TM2D2: variants seen among roughly 807,000 people sequenced by gnomAD.
The protein encoded by TM2D2 is TM2 domain containing 2, also known as TM2 domain-containing protein 2.
In TM2D2, 19 loss-of-function variants were observed where a neutral mutation model predicts 23.0. That is an observed-to-expected ratio of 0.82 (90% CI 0.58 to 1.21). The LOEUF (loss-of-function observed/expected upper bound fraction) is 1.21. TM2D2 is among the 50% of genes most tolerant of loss of function. TM2D2 has a pLI of 0.00. For synonymous variants in TM2D2, 120 were observed against 108.8 expected, an observed-to-expected ratio of 1.10 and a Z score of -0.64; for missense variants, 246 against 265.4, an observed-to-expected ratio of 0.93 and a Z score of 0.51.
Position 38,991,212 on chromosome 8 carries a change from C to G in TM2D2, c.*120G>C, listed in dbSNP as rs904108619. ...AGAAGCCTTCTTAACCAAACAAATG[C>G]CCTCCAAAAGAAGGAAAATAACATC... On this transcript the variant is annotated 3_prime_UTR_variant, in exon 4 of 4. Transcript: ENST00000456397. The G allele has an allele frequency of 1.2e-6, 1 of 864,290 alleles. No homozygotes were observed. Among genetic ancestry groups the G allele is most frequent in the Non-Finnish European group, 1.8e-6 (1 of 559,490 alleles). The allele number at this position is 864,290 out of a possible 1,614,324, so 53.5% of individuals were successfully genotyped here.
rs757537446 is a variant in TM2D2, at chr8:38,996,260, G to T, written c.180C>A (p.Ser60Arg). 1.9e-6 allele frequency: 3 copies of T among 1,613,800 alleles called. No homozygotes were observed. In the East Asian group the frequency reaches 6.7e-5, roughly 36 times the overall value. ...GAGAGTGGGGGTCGCCATATTCCCA[G>T]CTCGCAGCACCCCCGGGGCCCTCCG... ...AQPEGPGGAASWEYGDPHSPV... is the reference protein window; with the variant it reads ...AQPEGPGGAARWEYGDPHSPV... The change falls in exon 1 of 4, where the codon AGC becomes AGA. Residue 60 changes from serine to arginine, a missense_variant. Ser to Arg is a moderately radical substitution (Grantham distance 110). Transcript: ENST00000456397.
At chr8:38,995,600 T>C (rs1345595299) in intron 1 of TM2D2, 195 bp from the exon 2 acceptor site, 83 of 1,474,954 alleles carry the variant, frequency 5.6e-5, no homozygotes, top group Non-Finnish European at 7.4e-5. Flanking sequence ...AAAATGAACC[T>C]TTTGTTGGAG....
intron 1 of TM2D2, 89 bp from the exon 2 acceptor site, chr8:38,995,494 AT>A (rs1835741101): frequency 6.3e-7 from 1 of 1,583,738 alleles, no homozygotes; most frequent in Non-Finnish European, 8.6e-7. Flanking sequence ...GGCAAAAGAC[AT>A]TTCTTCATCA....
chr8:38,989,089 G>A lies in TM2D2; in HGVS notation c.*2243C>T, dbSNP rs1021602690. ...AGGTTTGTGGGCAGATGGATGATGG[G>A]TGTCATTTACAAGTCAAATGAAAAC... On this transcript the variant is annotated 3_prime_UTR_variant, in exon 4 of 4. Transcript: ENST00000456397. 2 of 152,220 alleles carry A rather than the reference G, an allele frequency of 1.3e-5. No homozygotes were observed. Among genetic ancestry groups the A allele is most frequent in the Non-Finnish European group, 2.9e-5 (2 of 68,040 alleles). The allele number at this position is 152,220 out of a possible 1,614,324, so 9.4% of individuals were successfully genotyped here.
chr8:38,996,642 C>T (rs903784612), upstream of TM2D2: 30 of 1,432,310 alleles, frequency 2.1e-5, no homozygotes, highest in African/African-American at 4.0e-4. Context: ...GGCTACTCCG[C>T]CCTCTGCTTC....
Position 38,991,802 on chromosome 8 carries a change from T to C in TM2D2, c.432-257A>G, listed in dbSNP as rs958535513. On this transcript the variant is annotated intron_variant, in intron 3 of 3. Coordinates refer to ENST00000456397, the MANE Select transcript of TM2D2 (RefSeq NM_078473.3). ...CTACCTGGCAAAGATACCAGGGTGG[T>C]TGGAAGATAGAAGGGAGGGGAAGGT... Among the ~76,000 whole-genome samples the C allele has an allele frequency of 1.4e-4, 21 of 152,142 alleles. No homozygotes were observed. The highest frequency in any genetic ancestry group is 4.6e-4 in the African/African-American group (19 of 41,426).
At chr8:38,996,974 G>T, upstream of TM2D2, 1 of 1,528,618 alleles carries the variant, frequency 6.5e-7, no homozygotes, top group East Asian at 2.4e-5. Flanking sequence ...TTCCCGGCCA[G>T]ACTTGGGGCC....
At chr8:38,993,216 AT>A (rs1324924849) in intron 3 of TM2D2, among the ~76,000 whole-genome samples, 1 of 152,242 alleles carries the variant, frequency 6.6e-6, no homozygotes, top group Non-Finnish European at 1.5e-5. Flanking sequence ...CCTCTCTACT[AT>A]AAACATATTG....
upstream of TM2D2, chr8:38,996,602 C>T: frequency 6.9e-7 from 1 of 1,452,082 alleles, no homozygotes; most frequent in Non-Finnish European, 9.1e-7. Context: ...CCTCCGCCAA[C>T]CAACTAGAAA....
chr8:38,993,148 T>C (rs1835652961), intron 3 of TM2D2, among the ~76,000 whole-genome samples: 1 of 152,218 alleles, frequency 6.6e-6, no homozygotes, highest in African/African-American at 2.4e-5. Context: ...CCACAGGCAC[T>C]TAGCAAGTTA....
rs540955949 is a variant in TM2D2 at position 38,995,363 on chromosome 8, A to G, written c.270T>C (p.Val90=). 2 of 1,607,818 alleles carry G rather than the reference A, an allele frequency of 1.2e-6. No individual in the cohort carries two copies. Among genetic ancestry groups the G allele is most frequent in the Admixed American group, 1.7e-5 (1 of 58,380 alleles). The change falls in exon 2 of 4, where the codon GTT becomes GTC. Residue 90 remains valine (V), a synonymous_variant. Transcript: ENST00000456397. ...GTTCCTGGGATGCAGTTGCATTTCC[A>G]ACATGATCCACTGGGTCTTCACATT... ...FIECEDPVDH[V]GNATASQELG...
chr8:38,996,948 C>G, upstream of TM2D2: 1 of 1,444,052 alleles, frequency 6.9e-7, no homozygotes, highest in Non-Finnish European at 9.4e-7. Flanking sequence ...CGCGCGTGCT[C>G]GTCGGGCGCG....
Position 38,995,344 on chromosome 8 carries a change from G to C in TM2D2, c.289C>G (p.Gln97Glu). The change falls in exon 2 of 4, where the codon CAG becomes GAG. Residue 97 changes from glutamine (Q) to glutamate (E), a missense_variant. By Grantham distance (29) the Gln-to-Glu change is conservative. Transcript: ENST00000456397. ...VDHVGNATASQELGYGCLKFG... is the reference protein window; with the variant it reads ...VDHVGNATASEELGYGCLKFG... Reference sequence around the variant, plus strand: ...TTGAGACAACCATAACCAAGTTCCTGGGATGCAGTTGCATTTCCAACATGA... The same window carrying C: ...TTGAGACAACCATAACCAAGTTCCTCGGATGCAGTTGCATTTCCAACATGA... 1 of 1,602,794 alleles carries C rather than the reference G, an allele frequency of 6.2e-7. No individual in the cohort carries two copies. The highest frequency in any genetic ancestry group is 8.5e-7 in the Non-Finnish European group (1 of 1,176,336).
At chr8:38,996,977 T>G (rs777474015), upstream of TM2D2, 3 of 1,522,208 alleles carry the variant, frequency 2.0e-6, no homozygotes, top group Non-Finnish European at 2.7e-6. Context: ...CCGGCCAGAC[T>G]TGGGGCCCCG....
intron 2 of TM2D2, among the ~76,000 whole-genome samples, chr8:38,994,718 T>G (rs1293908964): frequency 6.6e-6 from 1 of 152,168 alleles, no homozygotes; most frequent in Non-Finnish European, 1.5e-5. Flanking sequence ...GAGAGATTGA[T>G]TAGGAACTGT....
intron 2 of TM2D2, 110 bp from the exon 3 acceptor site, chr8:38,993,770 T>C: frequency 2.8e-6 from 2 of 721,622 alleles, no homozygotes; most frequent in Non-Finnish European, 4.6e-6. Flanking sequence ...ACTACAATTA[T>C]TCCAACAAGG....
chr8:38,995,562 A>C (rs1835744694), intron 1 of TM2D2, 157 bp from the exon 2 acceptor site: 1 of 1,500,598 alleles, frequency 6.7e-7, no homozygotes, highest in Non-Finnish European at 8.8e-7. Context: ...ATTAAACTGA[A>C]GCACAGCAGG....
chr8:38,996,948 C>T (rs569589171), upstream of TM2D2: 40 of 1,444,052 alleles, frequency 2.8e-5, no homozygotes, highest in Middle Eastern at 3.7e-4. Flanking sequence ...CGCGCGTGCT[C>T]GTCGGGCGCG....
upstream of TM2D2, chr8:38,996,519 G>A (rs553906078): frequency 8.3e-6 from 13 of 1,568,328 alleles, no homozygotes; most frequent in African/African-American, 2.7e-5. Flanking sequence ...TGCGTGGTCA[G>A]GCCTTTCCGC....
Sources: allele counts gnomAD v4.1 joint callset (sites outside exome capture counted in the v4.1 genomes callset), GRCh38; gene constraint gnomAD v4.1.1; transcripts MANE v1.5; gene names NCBI Gene and HGNC (gene_info 2026-07-23, HGNC 2026-07-21).